Variants in ARHGAP42 observed in about 807,000 individuals in gnomAD.
ARHGAP42 encodes the protein rho GTPase-activating protein 42.
In ARHGAP42, 63 loss-of-function variants were observed where a neutral mutation model predicts 125.0. That is an observed-to-expected ratio of 0.50 (90% confidence interval 0.41 to 0.62). ARHGAP42 has a LOEUF of 0.62. Ranked by LOEUF, ARHGAP42 falls within the 20% of genes least tolerant of loss-of-function variation. The probability of loss-of-function intolerance (pLI) is 0.00; values close to 1 mark genes in which losing one functional copy is unlikely to be tolerated. For missense variants in ARHGAP42, 766 were observed against 1,024.2 expected (o/e 0.75, Z 3.44); for synonymous variants, 339 against 351.0 (o/e 0.97, Z 0.38).
chr11:100,729,670 T>C (rs1005400805), intron 1 of ARHGAP42, among the ~76,000 whole-genome samples: 1 of 152,172 alleles, frequency 6.6e-6, no homozygotes, highest in East Asian at 1.9e-4. Context: ...TTTTAAAACA[T>C]TTCTAAACGT....
rs74649472 is a variant in ARHGAP42 at position 100,894,275 on chromosome 11, C to G, written c.385-19177C>G. The stretch of plus-strand genomic sequence containing the variant: ...TAGTTGTAAACATAGTCTAGACTTT[C>G]ATGAGCTGTGTGAGTGGTGACCTGG... On this transcript the variant is annotated intron_variant, in intron 4 of 23. Transcript: ENST00000298815. Among the ~76,000 whole-genome samples the G allele has an allele frequency of 2.3e-3, 349 of 152,280 alleles. 5 individuals are homozygous for G. The East Asian group carries it at 0.064, about 28-fold the overall frequency.
intron 1 of ARHGAP42, among the ~76,000 whole-genome samples, chr11:100,762,725 A>G (rs1338165225): frequency 6.6e-6 from 1 of 152,140 alleles, no homozygotes; most frequent in Non-Finnish European, 1.5e-5. Context: ...TGCCACACCC[A>G]GTATTCTTCT....
chr11:100,926,624 A>T (rs1402402944), intron 6 of ARHGAP42, among the ~76,000 whole-genome samples: 1 of 152,160 alleles, frequency 6.6e-6, no homozygotes, highest in Admixed American at 6.5e-5. Flanking sequence ...CACTTTACAA[A>T]TGCTCTGCCT....
intron 1 of ARHGAP42, among the ~76,000 whole-genome samples, chr11:100,729,072 GTC>G (rs141776807): frequency 1.9e-4 from 28 of 149,956 alleles, no homozygotes; most frequent in Non-Finnish European, 1.8e-4. Flanking sequence ...CGCAGCCTCT[GTC>G]TCTCTCTCTC....
intron 4 of ARHGAP42, 100 bp from the exon 5 acceptor site, chr11:100,913,348 GTCTT>G (rs764979327): frequency 2.6e-6 from 1 of 383,696 alleles, no homozygotes. Context: ...GGGACTCACT[GTCTT>G]TATTAAATAA....
chr11:100,837,002 T>A (rs931342181), intron 3 of ARHGAP42, among the ~76,000 whole-genome samples: 3 of 152,126 alleles, frequency 2.0e-5, no homozygotes, highest in African/African-American at 7.2e-5. Context: ...TGTATCAGGT[T>A]CAAGATTGTA....
chr11:100,705,358 G>A (rs1368288948), intron 1 of ARHGAP42, among the ~76,000 whole-genome samples: 2 of 152,242 alleles, frequency 1.3e-5, no homozygotes, highest in Admixed American at 1.3e-4. Context: ...TAGAAAGAGA[G>A]TGAGCTTTGG....
intron 22 of ARHGAP42, among the ~76,000 whole-genome samples, chr11:100,987,015 T>C (rs1858694991): frequency 6.6e-6 from 1 of 152,170 alleles, no homozygotes; most frequent in East Asian, 1.9e-4. Context: ...TTGGTTGCCA[T>C]TTATCATCAA....
intron 6 of ARHGAP42, among the ~76,000 whole-genome samples, chr11:100,931,583 G>A (rs971741175): frequency 6.6e-6 from 1 of 152,108 alleles, no homozygotes. Flanking sequence ...CACCTGCTTT[G>A]TATAGCATCC....
At chr11:100,973,436 T>G in intron 18 of ARHGAP42, 102 bp downstream of exon 18, 2 of 1,166,332 alleles carry the variant, frequency 1.7e-6, no homozygotes, top group South Asian at 1.5e-5. Flanking sequence ...ATAAATTACT[T>G]CTTAATGGGG....
chr11:100,712,140 C>T (rs1367477178), intron 1 of ARHGAP42, among the ~76,000 whole-genome samples: 3 of 152,220 alleles, frequency 2.0e-5, no homozygotes, highest in Non-Finnish European at 2.9e-5. Context: ...TGAGTTTTTT[C>T]GGGAACACAC....
At chr11:100,921,413 T>C in intron 5 of ARHGAP42, 81 bp from the exon 6 acceptor site, 1 of 1,098,778 alleles carries the variant, frequency 9.1e-7, no homozygotes, top group Non-Finnish European at 1.3e-6. Context: ...GGAGTTACTT[T>C]TTAATAAAGA....
chr11:100,747,365 A>G (rs564481643), intron 1 of ARHGAP42, among the ~76,000 whole-genome samples: 2 of 152,308 alleles, frequency 1.3e-5, no homozygotes, highest in South Asian at 4.1e-4. Flanking sequence ...TTTCACCTTT[A>G]TATTAGTGTG....
intron 2 of ARHGAP42, among the ~76,000 whole-genome samples, chr11:100,781,986 A>G (rs539998307): frequency 3.9e-4 from 56 of 142,842 alleles, no homozygotes; most frequent in African/African-American, 1.4e-3. Context: ...CCAATTCTCT[A>G]TTTGTCCTCC....
At chr11:100,934,548 G>A (rs1407774100) in intron 7 of ARHGAP42, among the ~76,000 whole-genome samples, 2 of 152,140 alleles carry the variant, frequency 1.3e-5, no homozygotes, top group African/African-American at 4.8e-5. Context: ...CAAATGCTGA[G>A]CAACACTTGC....
chr11:100,761,978 T>C (rs1320785868), intron 1 of ARHGAP42, among the ~76,000 whole-genome samples: 1 of 152,228 alleles, frequency 6.6e-6, no homozygotes, highest in Non-Finnish European at 1.5e-5. Context: ...CACATGGCAG[T>C]AAGTGGTGAT....
chr11:100,893,440 A>G (rs1029492499), intron 4 of ARHGAP42, among the ~76,000 whole-genome samples: 2 of 152,092 alleles, frequency 1.3e-5, no homozygotes, highest in Non-Finnish European at 2.9e-5. Flanking sequence ...TTAAGTTAGG[A>G]TAAAATTTTT....
chr11:100,860,942 T>C (rs1865431022), intron 4 of ARHGAP42, among the ~76,000 whole-genome samples: 1 of 152,216 alleles, frequency 6.6e-6, no homozygotes, highest in Non-Finnish European at 1.5e-5. Context: ...TGGTGTTTGA[T>C]AAGATGAACG....
rs1219829199 is a variant in ARHGAP42, at chr11:100,988,805, T to A, written c.*4T>A. The stretch of plus-strand genomic sequence containing the variant: ...AAATTATGTTGTCTTCCTCTAATAC[T>A]ATTTAGTGGATGGCAGTATCTTCAT... On this transcript the variant is annotated 3_prime_UTR_variant, in exon 24 of 24. Transcript: ENST00000298815. 1.3e-6 allele frequency: 2 copies of A among 1,533,446 alleles called. No individual in the cohort carries two copies. Among genetic ancestry groups the A allele is most frequent in the Non-Finnish European group, 1.8e-6 (2 of 1,132,316 alleles). The allele number at this position is 1,533,446 out of a possible 1,614,324, so 95.0% of individuals were successfully genotyped here.
Sources: allele counts gnomAD v4.1 joint callset (sites outside exome capture counted in the v4.1 genomes callset), GRCh38; gene constraint gnomAD v4.1.1; transcripts MANE v1.5; gene names NCBI Gene and HGNC (gene_info 2026-07-23, HGNC 2026-07-21).